Variants in RUFY1 observed in about 807,000 individuals in gnomAD.
RUFY1 encodes the protein RUN and FYVE domain containing 1.
A neutral mutation model predicts 94.6 loss-of-function variants in RUFY1; 54 were observed. That is an observed-to-expected ratio of 0.57 (90% CI 0.46 to 0.72). The LOEUF is 0.72. Among genes scored for constraint, RUFY1 ranks in the 30% least tolerant of loss-of-function variants. RUFY1 has a pLI of 0.00. For synonymous variants in RUFY1, 396 were observed against 347.3 expected (o/e 1.14, Z -1.56); for missense variants, 883 against 883.9 (o/e 1.00, Z 0.01).
rs560391783 is a variant in RUFY1, at chr5:179,553,349, G to A, written c.310+2470G>A. Among the ~76,000 whole-genome samples, 68 of 152,314 alleles carry A rather than the reference G, an allele frequency of 4.5e-4. 2 individuals are homozygous for A. The South Asian group carries it at 0.014, about 31-fold the overall frequency. On this transcript the variant is annotated intron_variant, in intron 1 of 17. Coordinates refer to ENST00000319449, the MANE Select transcript of RUFY1 (RefSeq NM_025158.5). ...TGACTTCTGTGCTCTGCTCCAGGCC[G>A]GGAATTTTGCACTGGGCCTTGTAAA...
intron 5 of RUFY1, among the ~76,000 whole-genome samples, chr5:179,573,744 G>C (rs1443133848): frequency 6.6e-6 from 1 of 152,030 alleles, no homozygotes; most frequent in African/African-American, 2.4e-5. Context: ...GGCTGGTCTT[G>C]AACTCCTGAC....
At chr5:179,598,353 A>G in intron 13 of RUFY1, 1 of 279,654 alleles carries the variant, frequency 3.6e-6, no homozygotes, top group Non-Finnish European at 6.9e-6. Flanking sequence ...ACAGAGCTAG[A>G]CCCTGTCTCA....
At chr5:179,566,028 T>C (rs1340984988) in intron 3 of RUFY1, among the ~76,000 whole-genome samples, 1 of 151,904 alleles carries the variant, frequency 6.6e-6, no homozygotes, top group African/African-American at 2.4e-5. Flanking sequence ...CTGTCCCAGC[T>C]ACTCCGGAGG....
chr5:179,571,917 G>T (rs1763253111), intron 5 of RUFY1, among the ~76,000 whole-genome samples: 1 of 151,252 alleles, frequency 6.6e-6, no homozygotes, highest in African/African-American at 2.4e-5. Flanking sequence ...AGAATTATTT[G>T]TTATAAATTT....
intron 16 of RUFY1, chr5:179,606,643 C>T (rs953959911): frequency 1.3e-5 from 2 of 152,486 alleles, no homozygotes; most frequent in South Asian, 4.1e-4. Flanking sequence ...CATCTAACTT[C>T]CAAGTGCCAG....
intron 14 of RUFY1, 103 bp downstream of exon 14, chr5:179,598,924 AGGCGGCTC>A: frequency 1.5e-6 from 2 of 1,331,576 alleles, no homozygotes; most frequent in South Asian, 1.3e-5. Context: ...TGTGGGGGCC[AGGCGGCTC>A]CAGGGTGTGG....
Position 179,562,677 on chromosome 5 carries a change from T to C in RUFY1, c.602+13T>C. On this transcript the variant is annotated intron_variant, in intron 3 of 17. Coordinates refer to ENST00000319449, the MANE Select transcript of RUFY1 (RefSeq NM_025158.5). ...TTCCAGAATTAAAGTGAGTGAGAAG[T>C]AGTTCTGCCAATTTGATGATTTTAA... 7.7e-7 allele frequency: 1 copy of C among 1,298,726 alleles called. No homozygotes were observed. Among genetic ancestry groups the C allele is most frequent in the Non-Finnish European group, 1.1e-6 (1 of 898,386 alleles). The allele number at this position is 1,298,726 out of a possible 1,614,324, so 80.5% of individuals were successfully genotyped here.
In RUFY1 at chr5:179,559,763, G is replaced by T. The variant is rs1003462948; in HGVS notation, c.311-262G>T. ...GCTAAAGCCGTCGCCGTAGCAACGC[G>T]CGGAGCCGTCTGGGAGAGGCCTCTG... On this transcript the variant is annotated intron_variant, in intron 1 of 17. Coordinates refer to ENST00000319449, the MANE Select transcript of RUFY1 (RefSeq NM_025158.5). 6.8e-6 allele frequency: 8 copies of T among 1,182,034 alleles called. No homozygotes were observed. The African/African-American group carries it at 1.3e-4, about 19-fold the overall frequency. The allele number at this position is 1,182,034 out of a possible 1,614,324, so 73.2% of individuals were successfully genotyped here.
At position 179,550,784 on chromosome 5, in the gene RUFY1, G is replaced by C. The variant is rs776261769; in HGVS notation, c.215G>C (p.Arg72Thr). Residue 72 changes from arginine to threonine, a missense_variant, in exon 1 of 18, where the codon AGG becomes ACG. Coordinates refer to ENST00000319449, the MANE Select transcript of RUFY1 (RefSeq NM_025158.5). ...GCGCCCATCCTGACCCTGGCACGCA[G>C]GGCCACCGGGAACCTGTCGGCGAGC... ...WSAPILTLAR[R>T]ATGNLSASCG... is the part of the protein sequence containing the mutation. 2.9e-6 allele frequency: 4 copies of C among 1,374,368 alleles called. No individual in the cohort carries two copies. The highest frequency in any genetic ancestry group is 3.8e-6 in the Non-Finnish European group (4 of 1,058,878). The allele number at this position is 1,374,368 out of a possible 1,614,324, so 85.1% of individuals were successfully genotyped here. A position where few individuals can be genotyped will look rare whatever the true frequency, so the allele number is the denominator to read the frequency against.
At chr5:179,560,535 CG>C (rs1243635633) in intron 2 of RUFY1, among the ~76,000 whole-genome samples, 1 of 149,382 alleles carries the variant, frequency 6.7e-6, no homozygotes, top group Non-Finnish European at 1.5e-5. Context: ...CTGGCTAACA[CG>C]GTGAAACCCG....
At chr5:179,587,057 G>T (rs559241940) in intron 8 of RUFY1, among the ~76,000 whole-genome samples, 4 of 152,236 alleles carry the variant, frequency 2.6e-5, no homozygotes, top group African/African-American at 9.6e-5. Context: ...GTTATGTGGG[G>T]TTTTTCTGCT....
rs549734435 is a variant in RUFY1, at chr5:179,597,583, G to T, written c.1631+902G>T. 7.9e-5 allele frequency among the ~76,000 whole-genome samples: 12 copies of T among 152,228 alleles called. No individual in the cohort carries two copies. The East Asian group carries it at 2.3e-3, about 29-fold the overall frequency. The stretch of plus-strand genomic sequence containing the variant: ...GACAGGGTTTTGCCATGTTGGCCAG[G>T]CTGGTCTCAATCTTCTGGCCTCAAG... On this transcript the variant is annotated intron_variant, in intron 13 of 17. Coordinates refer to ENST00000319449, the MANE Select transcript of RUFY1 (RefSeq NM_025158.5).
chr5:179,581,257 C>G (rs1764133077), intron 7 of RUFY1, among the ~76,000 whole-genome samples: 2 of 152,120 alleles, frequency 1.3e-5, no homozygotes. Flanking sequence ...CTACATTAAA[C>G]CTTGACTCTC....
chr5:179,600,684 C>CCT (rs1766267680), intron 14 of RUFY1, among the ~76,000 whole-genome samples: 1 of 54,662 alleles, frequency 1.8e-5, no homozygotes. Flanking sequence ...ATGATGGTAA[C>CCT]TTTTTTTTTT....
chr5:179,601,353 G>A (rs1766362690), intron 14 of RUFY1, among the ~76,000 whole-genome samples: 2 of 151,586 alleles, frequency 1.3e-5, no homozygotes, highest in African/African-American at 4.8e-5. Flanking sequence ...ATTTTTAGTG[G>A]AGACAGGGTT....
intron 9 of RUFY1, among the ~76,000 whole-genome samples, chr5:179,590,041 CATGATGACTTGAGG>C (rs1764920173): frequency 6.6e-6 from 1 of 152,144 alleles, no homozygotes. Flanking sequence ...AGCTCTATCA[CATGATGACTTGAGG>C]ATAGAAACCA....
chr5:179,600,684 CTTTTTTTTTTT>C (rs398000079), intron 14 of RUFY1, among the ~76,000 whole-genome samples: 6 of 54,662 alleles, frequency 1.1e-4, no homozygotes, highest in Admixed American at 3.2e-4. Flanking sequence ...ATGATGGTAA[CTTTTTTTTTTT>C]TTTTTTTTTT....
At chr5:179,584,825 G>A (rs1030478572) in intron 7 of RUFY1, among the ~76,000 whole-genome samples, 3 of 152,088 alleles carry the variant, frequency 2.0e-5, no homozygotes, top group African/African-American at 7.2e-5. Flanking sequence ...AAATGGGGAA[G>A]GTGTAAAAGG....
chr5:179,577,159 CTTTTTTT>C (rs748319712), intron 6 of RUFY1, 23 bp downstream of exon 6: 532 of 186,114 alleles, frequency 2.9e-3, no homozygotes, highest in African/African-American at 4.3e-3. Flanking sequence ...TTGTATGTCA[CTTTTTTT>C]TTTTTTTTTT....
Sources: allele counts gnomAD v4.1 joint callset (sites outside exome capture counted in the v4.1 genomes callset), GRCh38; gene constraint gnomAD v4.1.1; transcripts MANE v1.5; gene names NCBI Gene and HGNC (gene_info 2026-07-23, HGNC 2026-07-21).